TYW1: variants seen among roughly 807,000 people sequenced by gnomAD.
The protein encoded by TYW1 is tRNA-yW synthesizing protein 1 homolog, also known as S-adenosyl-L-methionine-dependent tRNA 4-demethylwyosine synthase TYW1.
TYW1 carries 46 observed loss-of-function variants against 96.2 expected under a neutral mutation model. The observed-to-expected ratio is 0.48, with a 90% confidence interval of 0.38 to 0.61. TYW1 has a LOEUF of 0.61. TYW1 is among the 20% of genes least tolerant of loss of function. The pLI is 0.00. For missense variants in TYW1, 684 were observed against 909.6 expected (o/e 0.75, Z 3.19); for synonymous variants, 274 against 323.0 (o/e 0.85, Z 1.63).
chr7:67,013,514 T>G (rs1237875235), intron 4 of TYW1, among the ~76,000 whole-genome samples: 1 of 152,056 alleles, frequency 6.6e-6, no homozygotes, highest in Non-Finnish European at 1.5e-5. Context: ...CCTTGGAGAC[T>G]TCAGAGATTT....
chr7:67,162,206 C>T (rs907060486), intron 13 of TYW1, among the ~76,000 whole-genome samples: 4 of 150,600 alleles, frequency 2.7e-5, no homozygotes, highest in Non-Finnish European at 5.9e-5. Context: ...CCCAGCTACT[C>T]AGGAGGCTGA....
At chr7:67,148,957 T>C (rs1031527469) in intron 13 of TYW1, among the ~76,000 whole-genome samples, 2 of 152,232 alleles carry the variant, frequency 1.3e-5, no homozygotes, top group Admixed American at 6.5e-5. Context: ...TTAAAATGAT[T>C]GTGACCCATT....
intron 15 of TYW1, among the ~76,000 whole-genome samples, chr7:67,237,764 T>C (rs982188773): frequency 7.2e-5 from 11 of 152,160 alleles, no homozygotes; most frequent in African/African-American, 2.7e-4. Flanking sequence ...TCTTACTGAA[T>C]TGAAATTTTT....
At chr7:67,184,005 G>A (rs1264615075) in intron 14 of TYW1, among the ~76,000 whole-genome samples, 1 of 151,698 alleles carries the variant, frequency 6.6e-6, no homozygotes, top group Non-Finnish European at 1.5e-5. Context: ...TTTTTGTAGC[G>A]AGAAGGTCTC....
chr7:67,202,870 A>G (rs924733550), intron 15 of TYW1, among the ~76,000 whole-genome samples: 3 of 152,248 alleles, frequency 2.0e-5, no homozygotes, highest in African/African-American at 7.2e-5. Context: ...GCAAAATGGT[A>G]CAGAAAGGTC....
intron 13 of TYW1, among the ~76,000 whole-genome samples, chr7:67,119,500 C>T (rs1797697917): frequency 6.6e-6 from 1 of 152,170 alleles, no homozygotes; most frequent in African/African-American, 2.4e-5. Flanking sequence ...CCTTCTGAGT[C>T]TTCGGTTACT....
At chr7:67,189,838 C>T (rs1404134577) in intron 14 of TYW1, among the ~76,000 whole-genome samples, 1 of 151,932 alleles carries the variant, frequency 6.6e-6, no homozygotes, top group African/African-American at 2.4e-5. Flanking sequence ...CTGCTATATT[C>T]CTTGTAAATT....
intron 4 of TYW1, among the ~76,000 whole-genome samples, chr7:67,013,684 C>A (rs1405658969): frequency 5.3e-5 from 8 of 151,494 alleles, no homozygotes; most frequent in East Asian, 1.9e-4. Flanking sequence ...TATTTTCCCC[C>A]AGTGTGTTCT....
intron 13 of TYW1, among the ~76,000 whole-genome samples, chr7:67,173,236 T>G (rs1584653089): frequency 1.3e-5 from 2 of 152,146 alleles, no homozygotes; most frequent in African/African-American, 4.8e-5. Flanking sequence ...TGTACTTTGT[T>G]TATACTTCTT....
chr7:67,212,644 G>A lies in TYW1; in HGVS notation c.1977+17307G>A, dbSNP rs1260808413. ...TTCCTGTTGCTATACATCCTTGCCA[G>A]AATTTGGTGTATATCACGGTTTTTT... On this transcript the variant is annotated intron_variant, in intron 15 of 15. Coordinates refer to ENST00000359626, the MANE Select transcript of TYW1 (RefSeq NM_018264.4). Among the ~76,000 whole-genome samples, 3 of 150,762 alleles carry A rather than the reference G, an allele frequency of 2.0e-5. No individual in the cohort carries two copies. In the Admixed American group the frequency reaches 2.0e-4, roughly 10 times the overall value.
chr7:67,046,866 A>C (rs1225754505), intron 7 of TYW1, among the ~76,000 whole-genome samples: 1 of 152,196 alleles, frequency 6.6e-6, no homozygotes, highest in African/African-American at 2.4e-5. Flanking sequence ...ATTTTATAAT[A>C]GATACTTTCT....
chr7:67,012,706 C>T (rs747453556), intron 4 of TYW1, among the ~76,000 whole-genome samples: 28 of 152,172 alleles, frequency 1.8e-4, no homozygotes, highest in Middle Eastern at 3.4e-3. Flanking sequence ...TGGAAAATTT[C>T]GCACCTGACC....
At chr7:67,175,544 A>C (rs3015884) in intron 13 of TYW1, among the ~76,000 whole-genome samples, 42,614 of 151,940 alleles carry the variant, frequency 0.28, 6,444 homozygotes, top group African/African-American at 0.4. Context: ...ATAGAAGCAA[A>C]TATTTTAAAG....
chr7:67,043,346 A>AGG (rs1795087867), intron 7 of TYW1, among the ~76,000 whole-genome samples: 2 of 141,222 alleles, frequency 1.4e-5, no homozygotes, highest in African/African-American at 2.6e-5. Flanking sequence ...TGTAAATGTA[A>AGG]AGCCCATTGC....
At chr7:67,006,687 G>A (rs1346800119) in intron 3 of TYW1, among the ~76,000 whole-genome samples, 2 of 151,920 alleles carry the variant, frequency 1.3e-5, no homozygotes, top group African/African-American at 2.4e-5. Flanking sequence ...TGATCCGCCC[G>A]CCTTGACCTC....
chr7:67,067,471 C>G, intron 10 of TYW1, 68 bp downstream of exon 10: 1 of 1,550,964 alleles, frequency 6.4e-7, no homozygotes, highest in Non-Finnish European at 8.9e-7. Flanking sequence ...CTGCCCAGCT[C>G]ACACTCAGAC....
At chr7:67,171,777 A>G (rs536543110) in intron 13 of TYW1, among the ~76,000 whole-genome samples, 1 of 152,168 alleles carries the variant, frequency 6.6e-6, no homozygotes, top group South Asian at 2.1e-4. Context: ...GTAAAGCAAC[A>G]CTAGTTTTTT....
At chr7:67,084,288 C>CAA (rs1233428646) in intron 11 of TYW1, among the ~76,000 whole-genome samples, 1 of 152,128 alleles carries the variant, frequency 6.6e-6, no homozygotes, top group Admixed American at 6.5e-5. Flanking sequence ...ATATAAATAA[C>CAA]AGTTTCTTCC....
Position 67,195,301 on chromosome 7 carries a change from C to T in TYW1, c.1941C>T (p.His647=), listed in dbSNP as rs750387005. ...CCGAATATGAAATTGCATGTGAACA[C>T]GAACACTCTAATTGCCTCCTGATAG... The part of the protein sequence containing the change: ...LIPEYEIACE[H]EHSNCLLIAH... The change falls in exon 15 of 16, where the codon CAC becomes CAT. Residue 647 remains histidine, a synonymous_variant. Transcript: ENST00000359626. 27 of 1,613,264 alleles carry T rather than the reference C, an allele frequency of 1.7e-5. No individual in the cohort carries two copies. The highest frequency in any genetic ancestry group is 3.3e-5 in the South Asian group (3 of 91,026).
Sources: allele counts gnomAD v4.1 joint callset (sites outside exome capture counted in the v4.1 genomes callset), GRCh38; gene constraint gnomAD v4.1.1; transcripts MANE v1.5; gene names NCBI Gene and HGNC (gene_info 2026-07-23, HGNC 2026-07-21).